Variants in LMO7 observed in about 807,000 individuals in gnomAD.
The protein encoded by LMO7 is LIM domain only protein 7.
A neutral mutation model predicts 206.5 loss-of-function variants in LMO7; 120 were observed. The ratio of observed to expected loss-of-function variants is 0.58; its 90% confidence interval spans 0.50 to 0.68. The LOEUF is 0.68. Among genes scored for constraint, LMO7 ranks in the 30% least tolerant of loss-of-function variants. LMO7 has a pLI of 0.00. For missense variants in LMO7, 1,959 were observed against 1,957.9 expected, an observed-to-expected ratio of 1.00 and a Z score of -0.01; for synonymous variants, 706 against 681.5, an observed-to-expected ratio of 1.04 and a Z score of -0.56.
chr13:75,647,961 T>TTTTTTTTTTTTTTTTTTG, intron 1 of LMO7, among the ~76,000 whole-genome samples: 1 of 143,208 alleles, frequency 7.0e-6, no homozygotes. Flanking sequence ...CTTTTTTTTT[T>TTTTTTTTTTTTTTTTTTG]TTTTTTTTGA....
At chr13:75,664,939 C>T (rs1594144113) in intron 1 of LMO7, among the ~76,000 whole-genome samples, 3 of 152,148 alleles carry the variant, frequency 2.0e-5, no homozygotes, top group Admixed American at 6.5e-5. Context: ...CATAATGTTT[C>T]TGTAGCACAC....
chr13:75,823,787 A>G lies in LMO7; in HGVS notation c.2863A>G (p.Thr955Ala). ...SQDQAATSKA[T>A]LSSTSGLDLM... ...AGACCAGGCTGCCACTTCTAAAGCC[A>G]CATTGTCTTCCACATCTGGTCTTGA... The change falls in exon 15 of 31, where the codon ACA becomes GCA. Residue 955 changes from threonine (T) to alanine (A), a missense_variant. Physicochemically the swap from Thr to Ala is moderately conservative, Grantham distance 58 (BLOSUM62 0). Transcript: ENST00000377534. 1.2e-6 allele frequency: 2 copies of G among 1,614,112 alleles called. No individual in the cohort carries two copies. Among genetic ancestry groups the G allele is most frequent in the Non-Finnish European group, 8.5e-7 (1 of 1,179,956 alleles).
intron 1 of LMO7, among the ~76,000 whole-genome samples, chr13:75,680,819 T>A (rs1036664369): frequency 1.3e-5 from 2 of 151,798 alleles, no homozygotes; most frequent in Admixed American, 1.3e-4. Flanking sequence ...GAACATACGG[T>A]GTTAGGTTTT....
At chr13:75,688,895 TG>T (rs1370142186) in intron 1 of LMO7, 1 of 152,200 alleles carries the variant, frequency 6.6e-6, no homozygotes, top group Non-Finnish European at 1.5e-5. Flanking sequence ...CCCTATGAGC[TG>T]CCTCTTTATT....
chr13:75,621,893 T>C lies in LMO7; in HGVS notation c.175+25T>C, dbSNP rs144578258. The C allele has an allele frequency of 2.3e-5, 35 of 1,520,712 alleles. No homozygotes were observed. The African/African-American group carries it at 3.9e-4, about 17-fold the overall frequency. The allele number at this position is 1,520,712 out of a possible 1,614,324, so 94.2% of individuals were successfully genotyped here. On this transcript the variant is annotated intron_variant, in intron 1 of 29. Coordinates refer to the LMO7 transcript ENST00000341547. Reference sequence around the variant, plus strand: ...GGTAATAATAGTTCCTTGAATACTTTTATATTATTACTTTGAAAGAACTAA... The same window carrying C: ...GGTAATAATAGTTCCTTGAATACTTCTATATTATTACTTTGAAAGAACTAA...
intron 13 of LMO7, 124 bp downstream of exon 13, chr13:75,819,659 AAAGAAACGTTT>A: frequency 1.0e-6 from 1 of 976,200 alleles, no homozygotes; most frequent in Non-Finnish European, 1.4e-6. Flanking sequence ...TCAAATATGC[AAAGAAACGTTT>A]AAGATTTTGG....
At chr13:75,839,896 G>C (rs1231893361) in intron 20 of LMO7, 189 bp from the exon 21 acceptor site, 2 of 525,624 alleles carry the variant, frequency 3.8e-6, no homozygotes, top group Non-Finnish European at 6.7e-6. Context: ...GAATTTGAAA[G>C]ATGAGTAACA....
At chr13:75,790,656 T>C (rs1323517471) in intron 4 of LMO7, among the ~76,000 whole-genome samples, 1 of 152,160 alleles carries the variant, frequency 6.6e-6, no homozygotes, top group Non-Finnish European at 1.5e-5. Context: ...AGCTTCCTGG[T>C]TCTAAGTTAA....
chr13:75,708,028 A>G (rs894268222), intron 1 of LMO7, among the ~76,000 whole-genome samples: 1 of 152,140 alleles, frequency 6.6e-6, no homozygotes, highest in Non-Finnish European at 1.5e-5. Context: ...AGCCATGTCT[A>G]TATGATGCGG....
chr13:75,807,425 C>G, intron 9 of LMO7, 55 bp from the exon 10 acceptor site: 1 of 1,570,288 alleles, frequency 6.4e-7, no homozygotes, highest in Admixed American at 1.8e-5. Context: ...TGCTAATTAC[C>G]TTTTCTCCCT....
chr13:75,645,446 G>C (rs993954669), intron 1 of LMO7, among the ~76,000 whole-genome samples: 3 of 152,184 alleles, frequency 2.0e-5, no homozygotes, highest in African/African-American at 7.2e-5. Context: ...CCAGAAGTTT[G>C]AGGCTGCGGT....
At chr13:75,682,816 G>C (rs978795276) in intron 1 of LMO7, among the ~76,000 whole-genome samples, 1 of 152,094 alleles carries the variant, frequency 6.6e-6, no homozygotes, top group Non-Finnish European at 1.5e-5. Flanking sequence ...TACAATAAGA[G>C]CCTAATAAAT....
At chr13:75,770,049 T>C (rs544534943) in intron 4 of LMO7, among the ~76,000 whole-genome samples, 11 of 152,170 alleles carry the variant, frequency 7.2e-5, no homozygotes, top group African/African-American at 2.4e-4. Flanking sequence ...AGGGGTATAT[T>C]CACTTATAAA....
At chr13:75,649,828 C>T (rs2037388314) in intron 1 of LMO7, among the ~76,000 whole-genome samples, 2 of 152,138 alleles carry the variant, frequency 1.3e-5, no homozygotes, top group African/African-American at 4.8e-5. Context: ...ATATAAAATA[C>T]TAAAGTTGAT....
chr13:75,657,060 TACAGAGGCAGACATGC>T lies in LMO7; in HGVS notation c.69+20342_69+20357del, dbSNP rs1463173945. 3.9e-5 allele frequency among the ~76,000 whole-genome samples: 6 copies of T among 152,260 alleles called. No homozygotes were observed. The South Asian group carries it at 1.2e-3, about 32-fold the overall frequency. On this transcript the variant is annotated intron_variant, in intron 1 of 30. Transcript: ENST00000377534. ...TCTTTATAAAAAGGGTAGATTTGGA[TACAGAGGCAGACATGC>T]ACAGAGGGATGAAGGCCGTGGGAAG...
In LMO7 at chr13:75,859,757, C is replaced by T. The variant is rs887866457; in HGVS notation, c.*1814C>T. On this transcript the variant is annotated 3_prime_UTR_variant, in exon 31 of 31. Transcript: ENST00000377534. ...AAGCAGCACGTGGGCTTGTTCATCT[C>T]ACTGCATGTTTATGAAGATACAGTT... 1 of 152,310 alleles carries T rather than the reference C, an allele frequency of 6.6e-6. No homozygotes were observed. The highest frequency in any genetic ancestry group is 2.4e-5 in the African/African-American group (1 of 41,572). The allele number at this position is 152,310 out of a possible 1,614,324, so 9.4% of individuals were successfully genotyped here.
chr13:75,653,524 A>C (rs1294628750), intron 1 of LMO7, among the ~76,000 whole-genome samples: 2 of 152,268 alleles, frequency 1.3e-5, no homozygotes, highest in Non-Finnish European at 2.9e-5. Flanking sequence ...AGCCCAGTAG[A>C]AATTTCTAAA....
rs370656892 is a variant in LMO7, at chr13:75,835,230, T to C, written c.3227-3T>C. ...CTCACCAGTATGGCTACCAAAATTA[T>C]AGGTTCACCTGAAACAAAGTGGATT... On this transcript the variant is annotated splice_region_variant and splice_polypyrimidine_tract_variant and intron_variant, in intron 17 of 30. Coordinates refer to ENST00000377534, the MANE Select transcript of LMO7 (RefSeq NM_001306080.2). 1.2e-3 allele frequency: 1,955 copies of C among 1,612,190 alleles called. 3 individuals are homozygous for C. The highest frequency in any genetic ancestry group is 1.5e-3 in the Non-Finnish European group (1,766 of 1,179,018).
At chr13:75,782,487 G>A (rs2051665688) in intron 4 of LMO7, among the ~76,000 whole-genome samples, 1 of 152,220 alleles carries the variant, frequency 6.6e-6, no homozygotes, top group Non-Finnish European at 1.5e-5. Context: ...ATAAAATTAA[G>A]CTGCATATGA....
Sources: gnomAD v4.1 joint callset for allele counts (sites outside exome capture counted in the v4.1 genomes callset) on GRCh38, gnomAD v4.1.1 for gene constraint, MANE v1.5 for transcripts, NCBI Gene and HGNC (gene_info 2026-07-23, HGNC 2026-07-21) for gene names.